Variants in RRBP1 observed in about 807,000 individuals in gnomAD.
RRBP1 encodes the protein ribosome binding protein 1, also known as ribosome-binding protein 1.
A neutral mutation model predicts 165.2 loss-of-function variants in RRBP1; 94 were observed. The ratio of observed to expected loss-of-function variants is 0.57; its 90% CI spans 0.48 to 0.68. The LOEUF (loss-of-function observed/expected upper bound fraction) is 0.68, where lower values mean the gene tolerates loss of function less well. Ranked by LOEUF, RRBP1 falls within the 30% of genes least tolerant of loss-of-function variation. RRBP1 has a pLI of 0.00. For missense variants in RRBP1, 1,676 were observed against 1,763.0 expected (o/e 0.95, Z 0.88); for synonymous variants, 680 against 714.5 (o/e 0.95, Z 0.77).
chr20:17,651,272 A>G (rs1382025222), intron 3 of RRBP1, among the ~76,000 whole-genome samples: 3 of 152,240 alleles, frequency 2.0e-5, no homozygotes, highest in African/African-American at 7.2e-5. Context: ...GAGTCAGAAA[A>G]CAAATCTTGT....
At chr20:17,630,245 G>GTT (rs1490131696) in intron 8 of RRBP1, among the ~76,000 whole-genome samples, 2 of 152,172 alleles carry the variant, frequency 1.3e-5, no homozygotes, top group Non-Finnish European at 2.9e-5. Context: ...TGAAGACATG[G>GTT]TTACTGCAAG....
intron 3 of RRBP1, among the ~76,000 whole-genome samples, chr20:17,646,433 G>A (rs2036463699): frequency 6.6e-6 from 1 of 152,204 alleles, no homozygotes; most frequent in Non-Finnish European, 1.5e-5. Context: ...GGGACCAGGT[G>A]GCCTGGAGTC....
rs759202619 is a variant in RRBP1, at chr20:17,658,838, C to T, written c.1670G>A (p.Gly557Asp). Residue 557 changes from glycine (G) to aspartate (D), a missense_variant, in exon 3 of 25, where the codon GGC (glycine) becomes GAC (aspartate). Physicochemically the swap from Gly to Asp is moderately conservative, Grantham distance 94. This residue lies in a region of RRBP1 where 1,184 missense variants were observed against 1,167.1 expected (regional missense o/e 1.01). Coordinates refer to ENST00000377813, the MANE Select transcript of RRBP1 (RefSeq NM_001365613.2). ...GKKADSVANQ[G>D]TKVEGITNQG... is the part of the protein sequence containing the mutation. Reference sequence around the variant, plus strand: ...GTTTGTAATACCCTCTACCTTTGTGCCCTGATTAGCAACCGAATCTGCCTT... The same window carrying T: ...GTTTGTAATACCCTCTACCTTTGTGTCCTGATTAGCAACCGAATCTGCCTT... 7 of 1,613,980 alleles carry T rather than the reference C, an allele frequency of 4.3e-6. No homozygotes were observed. The South Asian group carries it at 5.5e-5, about 13-fold the overall frequency.
At position 17,643,531 on chromosome 20, in the gene RRBP1, C is replaced by T. The variant is rs536394410; in HGVS notation, c.1913-404G>A. 6.6e-6 allele frequency among the ~76,000 whole-genome samples: 1 copy of T among 152,216 alleles called. No homozygotes were observed. Among genetic ancestry groups the T allele is most frequent in the Admixed American group, 6.5e-5 (1 of 15,288 alleles). On this transcript the variant is annotated intron_variant, in intron 3 of 24. Coordinates refer to ENST00000377813, the MANE Select transcript of RRBP1 (RefSeq NM_001365613.2). This position sits in a 1 kb window ranked among gnomAD's most constrained non-coding sequence, Gnocchi z 4.3. The stretch of plus-strand genomic sequence containing the variant: ...CCTGCATGGCTCACCATGGTTCTCC[C>T]CACTGGCTGTGACTGAGCCCCGTGG...
Position 17,645,694 on chromosome 20 carries a change from G to T in RRBP1, c.1913-2567C>A, listed in dbSNP as rs561713222. ...TTGCATTTAAATAACGTACTAACGG[G>T]AGCCTAAGGCGTGCCCAGCACATCA... On this transcript the variant is annotated intron_variant, in intron 3 of 24. Coordinates refer to ENST00000377813, the MANE Select transcript of RRBP1 (RefSeq NM_001365613.2). 5.9e-5 allele frequency among the ~76,000 whole-genome samples: 9 copies of T among 152,344 alleles called. No individual in the cohort carries two copies. In the South Asian group the frequency reaches 8.3e-4, roughly 14 times the overall value.
rs530280696 is a variant in RRBP1 at position 17,672,322 on chromosome 20, G to A, written c.-22+7677C>T. Among the ~76,000 whole-genome samples the A allele has an allele frequency of 2.0e-5, 3 of 152,258 alleles. No homozygotes were observed. In the South Asian group the frequency reaches 6.2e-4, roughly 32 times the overall value. On this transcript the variant is annotated intron_variant, in intron 2 of 24. Transcript: ENST00000377813. ...GGAGAAGAGCTGCATTTCCACTCAG[G>A]TTTATATTAGGAAATATCACCTGCT...
chr20:17,652,001 G>A lies in RRBP1; in HGVS notation c.1912+6595C>T, dbSNP rs546651134. On this transcript the variant is annotated intron_variant, in intron 3 of 24. Coordinates refer to ENST00000377813, the MANE Select transcript of RRBP1 (RefSeq NM_001365613.2). ...CAGGGGGCCCTGCTGGACCAGCCAG[G>A]TAACAGGTAGGGCTAGGAAGACTGA... Among the ~76,000 whole-genome samples, 18 of 152,280 alleles carry A rather than the reference G, an allele frequency of 1.2e-4. No individual in the cohort carries two copies. In the East Asian group the frequency reaches 3.1e-3, roughly 26 times the overall value.
chr20:17,641,515 C>T (rs1030779634), intron 5 of RRBP1: 8 of 508,636 alleles, frequency 1.6e-5, no homozygotes, highest in African/African-American at 1.5e-4. Flanking sequence ...CCATCACAAA[C>T]TGATGCTGCT....
Position 17,621,949 on chromosome 20 carries a change from TG to T in RRBP1, c.3148-3del. 8.0e-6 allele frequency: 11 copies of T among 1,374,872 alleles called. No individual in the cohort carries two copies. The highest frequency in any genetic ancestry group is 1.2e-5 in the South Asian group (1 of 86,430). The allele number at this position is 1,374,872 out of a possible 1,614,324, so 85.2% of individuals were successfully genotyped here. A position where few individuals can be genotyped will look rare whatever the true frequency, so the allele number is the denominator to read the frequency against. On this transcript the variant is annotated splice_region_variant and splice_polypyrimidine_tract_variant and intron_variant, in intron 13 of 24. Transcript: ENST00000377813. ...ACAGAGCTGCTTCTCCGATTCCTCC[TG>T]GGGGGTGGGTGGGGAAGAGCGGAAG...
intron 4 of RRBP1, among the ~76,000 whole-genome samples, chr20:17,642,677 C>T (rs972925176): frequency 3.3e-5 from 5 of 152,268 alleles, no homozygotes; most frequent in African/African-American, 4.8e-5. Context: ...CACTGTGTCC[C>T]TATACCTTTC....
intron 3 of RRBP1, among the ~76,000 whole-genome samples, chr20:17,654,563 G>T (rs2036614351): frequency 6.6e-6 from 1 of 152,176 alleles, no homozygotes; most frequent in African/African-American, 2.4e-5. Flanking sequence ...TCCCTTCCAT[G>T]TTCATAAATG....
intron 2 of RRBP1, among the ~76,000 whole-genome samples, chr20:17,661,642 T>C (rs1398992696): frequency 6.6e-6 from 1 of 151,830 alleles, no homozygotes. Context: ...AGAAGATCGA[T>C]GGAATGAGCA....
At chr20:17,679,813 G>A (rs2037145351) in intron 2 of RRBP1, among the ~76,000 whole-genome samples, 186 bp downstream of exon 2, 4 of 152,150 alleles carry the variant, frequency 2.6e-5, no homozygotes, top group Admixed American at 2.6e-4. Flanking sequence ...AATGTTCAGA[G>A]GCAGATTCCT....
At chr20:17,627,131 C>T (rs779023593) in intron 11 of RRBP1, among the ~76,000 whole-genome samples, 9 of 152,194 alleles carry the variant, frequency 5.9e-5, no homozygotes, top group Admixed American at 1.3e-4. Context: ...CACTCTGGAA[C>T]GATGTGATCA....
intron 3 of RRBP1, among the ~76,000 whole-genome samples, chr20:17,644,021 C>G (rs542399266): frequency 6.6e-6 from 1 of 152,272 alleles, no homozygotes; most frequent in South Asian, 2.1e-4. Flanking sequence ...GCAGACAGGC[C>G]TACAGCAGCC....
intron 2 of RRBP1, among the ~76,000 whole-genome samples, chr20:17,679,301 T>G (rs572759673): frequency 4.6e-5 from 7 of 152,364 alleles, no homozygotes; most frequent in African/African-American, 1.7e-4. Flanking sequence ...TTAACAGGTA[T>G]GGGGGCGCTG....
chr20:17,641,884 T>G lies in RRBP1; in HGVS notation c.2097A>C (p.Lys699Asn). 3 of 1,614,078 alleles carry G rather than the reference T, an allele frequency of 1.9e-6. No homozygotes were observed. In the Admixed American group the frequency reaches 5.0e-5, roughly 27 times the overall value. The change falls in exon 5 of 25, where the codon AAA (lysine) becomes AAC (asparagine). Residue 699 changes from lysine (K) to asparagine (N), a missense_variant. This residue lies in a region of RRBP1 where 1,184 missense variants were observed against 1,167.1 expected (regional missense o/e 1.01). Transcript: ENST00000377813. ...GTTTTTCCTTCTCTTCCAGCTGGCG[T>G]TTCAGAATCGCCACAGGGTCACCCT... ...TQKGDPVAIL[K>N]RQLEEKEKLL...
intron 13 of RRBP1, among the ~76,000 whole-genome samples, chr20:17,622,637 T>C (rs1010261387): frequency 6.6e-6 from 1 of 151,900 alleles, no homozygotes; most frequent in East Asian, 2.0e-4. Flanking sequence ...GCGGCCCCCA[T>C]TCAAAGCACA....
chr20:17,614,602 G>A (rs2122230170), intron 24 of RRBP1, 135 bp downstream of exon 24: 4 of 1,133,408 alleles, frequency 3.5e-6, no homozygotes, highest in East Asian at 2.6e-5. Flanking sequence ...GCCCAGCTCT[G>A]CCTCCCCTGG....
Sources: gnomAD v4.1 joint callset for allele counts (sites outside exome capture counted in the v4.1 genomes callset) on GRCh38, gnomAD v4.1.1 for gene constraint, gnomAD v4.1.1 regional missense constraint, Gnocchi (gnomAD v3.1) non-coding constraint, MANE v1.5 for transcripts, NCBI Gene and HGNC (gene_info 2026-07-23, HGNC 2026-07-21) for gene names.